The following PXDNL variants were observed in gnomAD, a reference collection of about 807,000 sequenced individuals.
PXDNL encodes peroxidasin like.
Under a neutral mutation model 150.8 loss-of-function variants are expected in PXDNL, and 145 were observed. That is an observed-to-expected ratio of 0.96 (90% CI 0.84 to 1.10). PXDNL has a LOEUF of 1.10. Among genes scored for constraint, PXDNL ranks in the 50% least tolerant of loss-of-function variants. The probability of loss-of-function intolerance (pLI) is 0.00; values close to 1 mark genes in which losing one functional copy is unlikely to be tolerated. For synonymous variants in PXDNL, 757 were observed against 725.7 expected (o/e 1.04, Z -0.69); for missense variants, 2,087 against 1,873.9 (o/e 1.11, Z -2.10).
At chr8:51,482,389 C>A (rs1163687563) in intron 6 of PXDNL, among the ~76,000 whole-genome samples, 1 of 152,194 alleles carries the variant, frequency 6.6e-6, no homozygotes, top group East Asian at 1.9e-4. Flanking sequence ...TTTGATTTTA[C>A]AGGCTCATAG....
At chr8:51,510,862 G>A (rs1178998492) in intron 4 of PXDNL, among the ~76,000 whole-genome samples, 1 of 152,156 alleles carries the variant, frequency 6.6e-6, no homozygotes, top group African/African-American at 2.4e-5. Context: ...ATATGTAGGG[G>A]CTGGTCTGTA....
chr8:51,440,965 T>G (rs1477608843), intron 12 of PXDNL, among the ~76,000 whole-genome samples: 7 of 152,190 alleles, frequency 4.6e-5, no homozygotes, highest in Non-Finnish European at 1.0e-4. Flanking sequence ...TTTTGGGCAG[T>G]GCAGTGCTGA....
intron 17 of PXDNL, among the ~76,000 whole-genome samples, chr8:51,394,905 A>AC (rs1431419587): frequency 6.6e-6 from 1 of 152,132 alleles, no homozygotes; most frequent in Non-Finnish European, 1.5e-5. Context: ...ACCTTGGAAG[A>AC]CCCCAAGTGT....
intron 1 of PXDNL, among the ~76,000 whole-genome samples, chr8:51,688,616 T>A (rs1815924028): frequency 6.6e-6 from 1 of 152,130 alleles, no homozygotes; most frequent in Non-Finnish European, 1.5e-5. Flanking sequence ...TGGTAACATT[T>A]AATTTTTATT....
intron 3 of PXDNL, among the ~76,000 whole-genome samples, chr8:51,577,801 C>T (rs1198975162): frequency 6.7e-6 from 1 of 150,076 alleles, no homozygotes; most frequent in Non-Finnish European, 1.5e-5. Flanking sequence ...TGAATCCTTC[C>T]CTCTAAGGTC....
intron 2 of PXDNL, among the ~76,000 whole-genome samples, chr8:51,650,741 G>A (rs540420122): frequency 6.6e-6 from 1 of 152,304 alleles, no homozygotes; most frequent in East Asian, 1.9e-4. Flanking sequence ...AAGGTTGATT[G>A]TTGAACAGCA....
At chr8:51,628,325 C>CTTT in intron 2 of PXDNL, among the ~76,000 whole-genome samples, 1 of 141,198 alleles carries the variant, frequency 7.1e-6, no homozygotes, top group African/African-American at 2.9e-5. Flanking sequence ...AGAGGCTTCT[C>CTTT]TCTTCTTCTT....
At chr8:51,764,965 C>T (rs1053492572) in intron 1 of PXDNL, among the ~76,000 whole-genome samples, 1 of 152,014 alleles carries the variant, frequency 6.6e-6, no homozygotes, top group African/African-American at 2.4e-5. Context: ...TGTTTTGGGG[C>T]TCTGTTATTG....
chr8:51,348,537 T>G (rs1450885262), intron 19 of PXDNL, among the ~76,000 whole-genome samples: 1 of 152,244 alleles, frequency 6.6e-6, no homozygotes, highest in Non-Finnish European at 1.5e-5. Flanking sequence ...TGCTGAATGT[T>G]TGGCTCTTAA....
At chr8:51,713,604 C>T (rs1249305329) in intron 1 of PXDNL, among the ~76,000 whole-genome samples, 1 of 152,038 alleles carries the variant, frequency 6.6e-6, no homozygotes, top group Non-Finnish European at 1.5e-5. Context: ...ATTGTTTCAC[C>T]ACAAAAAATT....
In PXDNL at chr8:51,565,470, C is replaced by T. The variant is rs540794806; in HGVS notation, c.309-8559G>A. ...CTGATGCAGGTATCTGGTGATGCCA[C>T]TGCCCTGCTTAGGTACTCTGCACAC... is the stretch of plus-strand genomic sequence containing the variant. On this transcript the variant is annotated intron_variant, in intron 3 of 22. Coordinates refer to ENST00000356297, the MANE Select transcript of PXDNL (RefSeq NM_144651.5). 3.9e-4 allele frequency among the ~76,000 whole-genome samples: 59 copies of T among 151,842 alleles called. No homozygotes were observed. In the South Asian group the frequency reaches 8.1e-3, roughly 21 times the overall value.
chr8:51,510,421 G>T (rs2130341384), intron 4 of PXDNL, among the ~76,000 whole-genome samples: 1 of 152,326 alleles, frequency 6.6e-6, no homozygotes, highest in East Asian at 1.9e-4. Context: ...ACTCAAAATA[G>T]TACAGCCTTG....
intron 4 of PXDNL, among the ~76,000 whole-genome samples, chr8:51,502,966 G>T (rs1035343387): frequency 6.6e-6 from 1 of 152,034 alleles, no homozygotes; most frequent in African/African-American, 2.4e-5. Context: ...ATTATCCACA[G>T]TAATTAATAA....
At chr8:51,656,611 C>T (rs1364981582) in intron 1 of PXDNL, among the ~76,000 whole-genome samples, 1 of 152,150 alleles carries the variant, frequency 6.6e-6, no homozygotes, top group African/African-American at 2.4e-5. Context: ...TCCAATACAA[C>T]AAGGAAGCAA....
At chr8:51,494,637 A>C (rs28877657) in intron 5 of PXDNL, among the ~76,000 whole-genome samples, 73,835 of 151,472 alleles carry the variant, frequency 0.49, 20,970 homozygotes, top group Non-Finnish European at 0.63. Flanking sequence ...ATCCTAGTCT[A>C]TGATAAAACA....
intron 2 of PXDNL, among the ~76,000 whole-genome samples, chr8:51,603,906 G>A (rs1381388865): frequency 6.6e-6 from 1 of 152,074 alleles, no homozygotes; most frequent in Non-Finnish European, 1.5e-5. Context: ...GTGTCACTGT[G>A]CTCATGCTTT....
At chr8:51,495,182 T>G (rs1185332421) in intron 5 of PXDNL, among the ~76,000 whole-genome samples, 1 of 151,954 alleles carries the variant, frequency 6.6e-6, no homozygotes. Context: ...GAATGACTAC[T>G]GGGTACATAA....
At chr8:51,625,917 G>A (rs1348002617) in intron 2 of PXDNL, among the ~76,000 whole-genome samples, 3 of 152,014 alleles carry the variant, frequency 2.0e-5, no homozygotes, top group East Asian at 1.9e-4. Context: ...GTTTGCCTTC[G>A]ACTATCTTAC....
At chr8:51,605,149 T>C (rs1013888815) in intron 2 of PXDNL, among the ~76,000 whole-genome samples, 1 of 152,154 alleles carries the variant, frequency 6.6e-6, no homozygotes, top group Non-Finnish European at 1.5e-5. Flanking sequence ...TAAATATTAT[T>C]CTAGGACATA....
Sources: allele counts gnomAD v4.1 joint callset (sites outside exome capture counted in the v4.1 genomes callset), GRCh38; gene constraint gnomAD v4.1.1; transcripts MANE v1.5; gene names NCBI Gene and HGNC (gene_info 2026-07-23, HGNC 2026-07-21).